PHYHIP: variants seen among roughly 807,000 people sequenced by gnomAD.
PHYHIP encodes the protein phytanoyl-CoA hydroxylase-interacting protein.
PHYHIP carries 7 observed loss-of-function variants against 26.1 expected under a neutral mutation model. That is an observed-to-expected ratio of 0.27 (90% CI 0.15 to 0.50). PHYHIP has a LOEUF of 0.50. Ranked by LOEUF, PHYHIP falls within the 20% of genes least tolerant of loss-of-function variation. The probability of loss-of-function intolerance (pLI) is 0.98; values close to 1 mark genes in which losing one functional copy is unlikely to be tolerated. For synonymous variants in PHYHIP, 206 were observed against 183.4 expected (o/e 1.12, Z -1.00); for missense variants, 232 against 454.7 (o/e 0.51, Z 4.45).
At position 22,226,342 on chromosome 8, in the gene PHYHIP, C is replaced by G. The variant is rs371926342; in HGVS notation, c.340+509G>C. Among the ~76,000 whole-genome samples, 10 of 152,206 alleles carry G rather than the reference C, an allele frequency of 6.6e-5. No homozygotes were observed. The East Asian group carries it at 1.7e-3, about 26-fold the overall frequency. On this transcript the variant is annotated intron_variant, in intron 3 of 4. Coordinates refer to ENST00000454243, the MANE Select transcript of PHYHIP (RefSeq NM_014759.5). ...ACTGATATGAGACACCTAGAGGAGTCATATTCATAGAAACAGAAAGTAGAA... is the reference window on the plus strand; with the variant it reads ...ACTGATATGAGACACCTAGAGGAGTGATATTCATAGAAACAGAAAGTAGAA...
Position 22,221,971 on chromosome 8 carries a change from G to C in PHYHIP, c.459-84C>G, listed in dbSNP as rs1010818756. 1.3e-5 allele frequency: 16 copies of C among 1,226,552 alleles called. No homozygotes were observed. The highest frequency in any genetic ancestry group is 1.7e-5 in the Non-Finnish European group (15 of 906,570). 76.0% of individuals were successfully genotyped at this position (1,226,552 alleles called of 1,614,324 possible). On this transcript the variant is annotated intron_variant, in intron 4 of 4. Coordinates refer to ENST00000454243, the MANE Select transcript of PHYHIP (RefSeq NM_014759.5). The surrounding 1 kb of genome is among the most constrained non-coding windows in gnomAD (Gnocchi z 7.9). Reference sequence around the variant, plus strand: ...TGAGGCTTGGCTGCTGCGTGTGGTCGAGGAGGGAGGAAGCCAGCCCAGCTC... The same window carrying C: ...TGAGGCTTGGCTGCTGCGTGTGGTCCAGGAGGGAGGAAGCCAGCCCAGCTC...
At chr8:22,227,096 A>G (rs1313408330) in intron 2 of PHYHIP, 71 bp from the exon 3 acceptor site, 5 of 1,369,836 alleles carry the variant, frequency 3.7e-6, no homozygotes, top group Non-Finnish European at 4.0e-6. Context: ...GCATCACCCC[A>G]GAATCCCCAC....
At position 22,226,936 on chromosome 8, in the gene PHYHIP, A is replaced by G. The variant is rs1488950288; in HGVS notation, c.255T>C (p.Ser85=). ...GCTTCACTGCCGTCTGCACGGCCAC[A>G]CTGTACTCCGTGCGGGGGCTCAGGA... The part of the protein sequence containing the change: ...HWFLSPRTEY[S]VAVQTAVKQS... The change falls in exon 3 of 5, where the codon AGT becomes AGC. Residue 85 remains serine (S), a synonymous_variant. Coordinates refer to ENST00000454243, the MANE Select transcript of PHYHIP (RefSeq NM_014759.5). 2.5e-6 allele frequency: 4 copies of G among 1,613,984 alleles called. No individual in the cohort carries two copies. The highest frequency in any genetic ancestry group is 1.7e-5 in the Admixed American group (1 of 60,012).
chr8:22,222,954 G>C (rs150685486), intron 4 of PHYHIP, among the ~76,000 whole-genome samples: 2 of 152,078 alleles, frequency 1.3e-5, no homozygotes, highest in Non-Finnish European at 2.9e-5. Context: ...GCCTCCCAAC[G>C]TGGTAGGATT....
intron 2 of PHYHIP, chr8:22,227,711 G>A: frequency 2.2e-6 from 1 of 456,812 alleles, no homozygotes; most frequent in Non-Finnish European, 4.4e-6. Flanking sequence ...CAGGTGAGGG[G>A]CCCGAGAGGG....
intron 3 of PHYHIP, among the ~76,000 whole-genome samples, chr8:22,225,601 C>T (rs1408431345): frequency 4.8e-5 from 7 of 147,250 alleles, no homozygotes; most frequent in Admixed American, 3.5e-4. Context: ...TCAAGATCAG[C>T]CTGGCCAACA....
At chr8:22,231,227 C>T (rs1313343063) in intron 1 of PHYHIP, among the ~76,000 whole-genome samples, 3 of 152,112 alleles carry the variant, frequency 2.0e-5, no homozygotes, top group Admixed American at 2.0e-4. Context: ...TGTCTGCATA[C>T]ACTCCCACAC....
Position 22,228,186 on chromosome 8 carries a change from T to A in PHYHIP, c.165+7A>T. The A allele has an allele frequency of 1.2e-6, 2 of 1,613,580 alleles. No homozygotes were observed. The highest frequency in any genetic ancestry group is 1.7e-6 in the Non-Finnish European group (2 of 1,179,538). Reference sequence around the variant, plus strand: ...GGGGAGGGGCTCCCAGGACACCTTCTACTCACCCGGTGCTTGAACTTGTTG... The same window carrying A: ...GGGGAGGGGCTCCCAGGACACCTTCAACTCACCCGGTGCTTGAACTTGTTG... On this transcript the variant is annotated splice_region_variant and intron_variant, in intron 2 of 4. Transcript: ENST00000454243.
At position 22,221,979 on chromosome 8, in the gene PHYHIP, A is replaced by T; in HGVS notation, c.459-92T>A. ...GGCTGCTGCGTGTGGTCGAGGAGGG[A>T]GGAAGCCAGCCCAGCTCCCAGCCCT... On this transcript the variant is annotated intron_variant, in intron 4 of 4. Transcript: ENST00000454243. The surrounding 1 kb of genome is among the most constrained non-coding windows in gnomAD (Gnocchi z 7.9). The T allele has an allele frequency of 8.7e-7, 1 of 1,150,698 alleles. No homozygotes were observed. Among genetic ancestry groups the T allele is most frequent in the Non-Finnish European group, 1.2e-6 (1 of 838,444 alleles). The allele number at this position is 1,150,698 out of a possible 1,614,324, so 71.3% of individuals were successfully genotyped here.
intron 2 of PHYHIP, among the ~76,000 whole-genome samples, chr8:22,227,381 A>C (rs1235587782): frequency 6.6e-6 from 1 of 152,124 alleles, no homozygotes; most frequent in Non-Finnish European, 1.5e-5. Context: ...CCAGGGAGGA[A>C]GGGAAAATAT....
Position 22,221,362 on chromosome 8 carries a change from C to G in PHYHIP, c.984G>C (p.Val328=). ...AGCTCCCCAGGAGTCCCTAGCGGCC[C>G]ACGCTGATGTTGCAGGTCTTGCAGC... ...DPSCKTCNIS[V]GR is the part of the protein sequence containing the mutation. The change falls in exon 5 of 5, where the codon GTG becomes GTC. Residue 328 remains valine, a synonymous_variant. Transcript: ENST00000454243. This position sits in a 1 kb window ranked among gnomAD's most constrained non-coding sequence, Gnocchi z 7.9. 6.3e-7 allele frequency: 1 copy of G among 1,585,370 alleles called. No homozygotes were observed. The highest frequency in any genetic ancestry group is 8.6e-7 in the Non-Finnish European group (1 of 1,161,326).
At chr8:22,228,547 G>C in intron 1 of PHYHIP, 161 bp from the exon 2 acceptor site, 2 of 548,414 alleles carry the variant, frequency 3.6e-6, no homozygotes, top group Non-Finnish European at 3.2e-6. Flanking sequence ...GCTGGAGAAG[G>C]ATGATGGAGG....
intron 3 of PHYHIP, among the ~76,000 whole-genome samples, chr8:22,225,311 C>CA (rs981648817): frequency 2.0e-5 from 3 of 151,986 alleles, no homozygotes; most frequent in African/African-American, 7.2e-5. Flanking sequence ...TCCATCTCTA[C>CA]AAAAAAATAT....
chr8:22,223,448 C>T (rs932618575), intron 4 of PHYHIP, among the ~76,000 whole-genome samples: 25 of 151,912 alleles, frequency 1.6e-4, no homozygotes, highest in African/African-American at 5.8e-4. Context: ...TGCCAGCAGG[C>T]CCGGGGATGG....
chr8:22,230,365 G>A (rs1455321732), intron 1 of PHYHIP, among the ~76,000 whole-genome samples: 2 of 152,064 alleles, frequency 1.3e-5, no homozygotes, highest in African/African-American at 4.8e-5. Flanking sequence ...GGGCAGCTGT[G>A]TTTGGCGGTA....
At chr8:22,223,012 A>T (rs756510029) in intron 4 of PHYHIP, among the ~76,000 whole-genome samples, 1 of 151,954 alleles carries the variant, frequency 6.6e-6, no homozygotes, top group Non-Finnish European at 1.5e-5. Flanking sequence ...TACAAACCCC[A>T]AAGACTCCCA....
intron 1 of PHYHIP, among the ~76,000 whole-genome samples, chr8:22,230,602 C>A (rs907056156): frequency 6.6e-6 from 1 of 151,912 alleles, no homozygotes; most frequent in African/African-American, 2.4e-5. Flanking sequence ...CTGTGTGGAT[C>A]CACCCCAAGA....
At chr8:22,227,529 G>A in intron 2 of PHYHIP, 1 of 445,324 alleles carries the variant, frequency 2.2e-6, no homozygotes, top group South Asian at 1.6e-5. Context: ...CCACGCCGGT[G>A]CCGTCGGCCT....
chr8:22,222,718 T>G (rs1301454350), intron 4 of PHYHIP, among the ~76,000 whole-genome samples: 2 of 152,176 alleles, frequency 1.3e-5, no homozygotes, highest in Non-Finnish European at 2.9e-5. Context: ...CACCCATGAG[T>G]GCTCTCTATC....
Sources: gnomAD v4.1 joint callset for allele counts (sites outside exome capture counted in the v4.1 genomes callset) on GRCh38, gnomAD v4.1.1 for gene constraint, Gnocchi (gnomAD v3.1) non-coding constraint, MANE v1.5 for transcripts, NCBI Gene and HGNC (gene_info 2026-07-23, HGNC 2026-07-21) for gene names.